The following SPRED2 variants were observed in gnomAD, a reference collection of about 807,000 sequenced individuals.
SPRED2 encodes the protein sprouty related EVH1 domain containing 2.
In SPRED2, 47 loss-of-function variants were observed where a neutral mutation model predicts 43.0. The observed-to-expected ratio is 1.09, with a 90% CI of 0.87 to 1.40. The LOEUF (loss-of-function observed/expected upper bound fraction) is 1.40, where lower values mean the gene tolerates loss of function less well. Ranked by LOEUF, SPRED2 falls within the 40% of genes most tolerant of loss-of-function variation. SPRED2 has a pLI of 0.00. For missense variants in SPRED2, 561 were observed against 586.4 expected, an observed-to-expected ratio of 0.96 and a Z score of 0.45; for synonymous variants, 225 against 225.7, an observed-to-expected ratio of 1.00 and a Z score of 0.03.
At chr2:65,382,248 GT>G (rs1675389322) in intron 1 of SPRED2, among the ~76,000 whole-genome samples, 1 of 150,838 alleles carries the variant, frequency 6.6e-6, no homozygotes, top group South Asian at 2.2e-4. Flanking sequence ...GAAGGGAAGA[GT>G]TCTGCATTTA....
chr2:65,341,371 G>A (rs1674179341), intron 2 of SPRED2, among the ~76,000 whole-genome samples: 1 of 151,710 alleles, frequency 6.6e-6, no homozygotes, highest in South Asian at 2.1e-4. Context: ...CATGATGGGG[G>A]AGGGGATGAG....
In SPRED2 at chr2:65,344,707, G is replaced by A; in HGVS notation, c.204+12C>T. ...TACTAATTTAACCCACGAGTTGTAT[G>A]TCTGCCATTACCAGTTTGTCTTTCT... On this transcript the variant is annotated intron_variant, in intron 2 of 5. Transcript: ENST00000356388. 1.9e-6 allele frequency: 3 copies of A among 1,613,288 alleles called. No homozygotes were observed. The highest frequency in any genetic ancestry group is 2.5e-6 in the Non-Finnish European group (3 of 1,179,296).
At chr2:65,406,139 A>C (rs985659850) in intron 1 of SPRED2, among the ~76,000 whole-genome samples, 14 of 152,172 alleles carry the variant, frequency 9.2e-5, no homozygotes, top group African/African-American at 3.4e-4. Flanking sequence ...CTTTGGGCTG[A>C]GAGTGCTACC....
intron 1 of SPRED2, among the ~76,000 whole-genome samples, chr2:65,361,889 CA>C (rs1674824861): frequency 6.6e-6 from 1 of 152,178 alleles, no homozygotes; most frequent in Non-Finnish European, 1.5e-5. Context: ...GAGGCCCAGT[CA>C]AACAGCAGAG....
intron 1 of SPRED2, among the ~76,000 whole-genome samples, chr2:65,346,781 C>T (rs1010841796): frequency 6.6e-6 from 1 of 152,126 alleles, no homozygotes; most frequent in Non-Finnish European, 1.5e-5. Context: ...AAGCTCACAC[C>T]CTGACCCCTC....
chr2:65,407,561 A>G (rs146911186), intron 1 of SPRED2, among the ~76,000 whole-genome samples: 2 of 152,308 alleles, frequency 1.3e-5, no homozygotes, highest in Non-Finnish European at 2.9e-5. Context: ...CTTAAAGCTT[A>G]TCTCATTCTG....
chr2:65,390,263 G>A (rs1675600057), intron 1 of SPRED2, among the ~76,000 whole-genome samples: 1 of 152,232 alleles, frequency 6.6e-6, no homozygotes, highest in Non-Finnish European at 1.5e-5. Context: ...ACAAGACCAT[G>A]TAGCAAAACT....
intron 1 of SPRED2, among the ~76,000 whole-genome samples, chr2:65,376,469 G>C (rs958729639): frequency 6.6e-6 from 1 of 152,094 alleles, no homozygotes; most frequent in African/African-American, 2.4e-5. Context: ...TAATTGTTCT[G>C]TATAGGTATC....
intron 1 of SPRED2, among the ~76,000 whole-genome samples, chr2:65,423,155 A>G (rs1418369160): frequency 6.6e-6 from 1 of 152,234 alleles, no homozygotes; most frequent in African/African-American, 2.4e-5. Flanking sequence ...CATGGCATTC[A>G]AGTAGACAAA....
At chr2:65,356,700 C>A (rs1674662715) in intron 1 of SPRED2, among the ~76,000 whole-genome samples, 1 of 151,880 alleles carries the variant, frequency 6.6e-6, no homozygotes, top group Non-Finnish European at 1.5e-5. Flanking sequence ...CTTAATAAGA[C>A]CTGTTCTCTG....
intron 1 of SPRED2, among the ~76,000 whole-genome samples, chr2:65,407,697 C>T (rs894697620): frequency 2.6e-5 from 4 of 152,106 alleles, no homozygotes; most frequent in East Asian, 3.9e-4. Context: ...TCCTTTCACC[C>T]GTGGAGACGC....
intron 1 of SPRED2, among the ~76,000 whole-genome samples, chr2:65,346,503 A>G (rs1002501263): frequency 1.2e-4 from 19 of 152,032 alleles, no homozygotes; most frequent in African/African-American, 4.6e-4. Context: ...TATGAAAAAC[A>G]CTAACTCCCC....
At position 65,311,574 on chromosome 2, in the gene SPRED2, G is replaced by T; in HGVS notation, c.*1927C>A. ...CCAAGGAAGTGCCTCCGGGTCGGGG[G>T]AAGGTGGTCTCTCGACAGCACTGGA... On this transcript the variant is annotated 3_prime_UTR_variant, in exon 6 of 6. Transcript: ENST00000356388. The T allele has an allele frequency of 2.0e-6, 2 of 985,862 alleles. No individual in the cohort carries two copies. Among genetic ancestry groups the T allele is most frequent in the Non-Finnish European group, 2.4e-6 (2 of 829,944 alleles). The allele number at this position is 985,862 out of a possible 1,614,324, so 61.1% of individuals were successfully genotyped here. A position where few individuals can be genotyped will look rare whatever the true frequency, so the allele number is the denominator to read the frequency against.
rs970394573 is a variant in SPRED2, at chr2:65,354,048, C to A, written c.27-9152G>T. ...AAAAAAAGGAAATGAAGCAAAGACA[C>A]AAAGGAACAAAGATCAGAGCTGGAA... is the stretch of plus-strand genomic sequence containing the variant. On this transcript the variant is annotated intron_variant, in intron 1 of 5. Coordinates refer to ENST00000356388, the MANE Select transcript of SPRED2 (RefSeq NM_181784.3). Among the ~76,000 whole-genome samples the A allele has an allele frequency of 7.2e-5, 11 of 152,246 alleles. 2 individuals carry two copies. Among genetic ancestry groups the A allele is most frequent in the Middle Eastern group, 3.4e-3 (1 of 294 alleles).
At chr2:65,414,042 T>A (rs1456654168) in intron 1 of SPRED2, among the ~76,000 whole-genome samples, 1 of 152,138 alleles carries the variant, frequency 6.6e-6, no homozygotes, top group Non-Finnish European at 1.5e-5. Context: ...TCCCAGAAAA[T>A]GCTAACAATC....
intron 1 of SPRED2, among the ~76,000 whole-genome samples, chr2:65,386,689 C>T (rs1033473209): frequency 2.0e-5 from 3 of 152,126 alleles, no homozygotes; most frequent in South Asian, 2.1e-4. Context: ...AAGTAAAGCT[C>T]GGACTATCTA....
At position 65,405,167 on chromosome 2, in the gene SPRED2, G is replaced by A. The variant is rs142840682; in HGVS notation, c.26+26795C>T. Among the ~76,000 whole-genome samples, 24 of 152,310 alleles carry A rather than the reference G, an allele frequency of 1.6e-4. No homozygotes were observed. In the East Asian group the frequency reaches 3.9e-3, roughly 24 times the overall value. ...CCAGGAGAGAAAATTAAGGCTTAGC[G>A]TTTATGTCACTACCCTACGTCTCAT... On this transcript the variant is annotated intron_variant, in intron 1 of 5. Coordinates refer to ENST00000356388, the MANE Select transcript of SPRED2 (RefSeq NM_181784.3).
chr2:65,335,729 C>CA (rs1673947233), intron 2 of SPRED2, among the ~76,000 whole-genome samples: 1 of 100,698 alleles, frequency 9.9e-6, no homozygotes, highest in African/African-American at 3.6e-5. Flanking sequence ...TATAAAATAA[C>CA]CCCGTCTAGC....
intron 4 of SPRED2, among the ~76,000 whole-genome samples, chr2:65,321,829 G>A (rs1432585366): frequency 1.3e-5 from 2 of 152,132 alleles, no homozygotes; most frequent in Admixed American, 6.5e-5. Flanking sequence ...CTGGAGTGCA[G>A]CGGCGGAATC....
Sources: allele counts gnomAD v4.1 joint callset (sites outside exome capture counted in the v4.1 genomes callset), GRCh38; gene constraint gnomAD v4.1.1; transcripts MANE v1.5; gene names NCBI Gene and HGNC (gene_info 2026-07-23, HGNC 2026-07-21).